UGP2: variants seen among roughly 807,000 people sequenced by gnomAD.
The protein encoded by UGP2 is UTP--glucose-1-phosphate uridylyltransferase.
Under a neutral mutation model 49.0 loss-of-function variants are expected in UGP2, and 40 were observed. The ratio of observed to expected loss-of-function variants is 0.82; its 90% confidence interval spans 0.63 to 1.06. The LOEUF is 1.06. Ranked by LOEUF, UGP2 falls within the 50% of genes least tolerant of loss-of-function variation. The probability of loss-of-function intolerance (pLI) is 0.00; values close to 1 mark genes in which losing one functional copy is unlikely to be tolerated. For missense variants in UGP2, 460 were observed against 603.5 expected (o/e 0.76, Z 2.49); for synonymous variants, 225 against 213.0 (o/e 1.06, Z -0.49).
intron 1 of UGP2, among the ~76,000 whole-genome samples, chr2:63,851,446 G>C (rs1347192310): frequency 1.3e-5 from 2 of 152,066 alleles, no homozygotes; most frequent in African/African-American, 4.8e-5. Flanking sequence ...AAGGCCTCTT[G>C]GAATGTTCAG....
At position 63,887,382 on chromosome 2, in the gene UGP2, C is replaced by G. The variant is rs1671759980; in HGVS notation, c.1072-20C>G. On this transcript the variant is annotated intron_variant, in intron 7 of 9. Transcript: ENST00000337130. ...GCCTAAAACCTCTGTTTTCTATTCCCCACCCCTAATTTCTTACAGACTTTG... is the reference window on the plus strand; with the variant it reads ...GCCTAAAACCTCTGTTTTCTATTCCGCACCCCTAATTTCTTACAGACTTTG... The G allele has an allele frequency of 1.9e-6, 3 of 1,613,366 alleles. No individual in the cohort carries two copies. Among genetic ancestry groups the G allele is most frequent in the South Asian group, 1.1e-5 (1 of 91,006 alleles).
At chr2:63,871,951 T>C (rs1042410091) in intron 3 of UGP2, among the ~76,000 whole-genome samples, 7 of 152,240 alleles carry the variant, frequency 4.6e-5, no homozygotes, top group African/African-American at 1.7e-4. Context: ...AGTAAATATT[T>C]TAGGTTTTAT....
chr2:63,861,166 T>TA (rs1236256054), intron 3 of UGP2, among the ~76,000 whole-genome samples: 2 of 151,918 alleles, frequency 1.3e-5, no homozygotes, highest in East Asian at 3.8e-4. Context: ...AAAAAAATTT[T>TA]TATATATATA....
chr2:63,891,102 G>A lies in UGP2; in HGVS notation c.1420-18G>A, dbSNP rs1337556711. ...ATTTCAGTTGCAAGTACACTCTTTT[G>A]TTTTCCCTGTCACTTAGGGAACGGT... On this transcript the variant is annotated intron_variant, in intron 9 of 9. Coordinates refer to ENST00000337130, the MANE Select transcript of UGP2 (RefSeq NM_006759.4). 3 of 1,598,620 alleles carry A rather than the reference G, an allele frequency of 1.9e-6. No individual in the cohort carries two copies. The highest frequency in any genetic ancestry group is 2.6e-6 in the Non-Finnish European group (3 of 1,168,614).
chr2:63,887,669 G>A, intron 8 of UGP2, 25 bp downstream of exon 8: 6 of 1,607,620 alleles, frequency 3.7e-6, no homozygotes, highest in Non-Finnish European at 5.1e-6. Context: ...AGATATGTGA[G>A]TTCATATTTC....
Position 63,864,431 on chromosome 2 carries a change from C to T in UGP2, c.255+6495C>T, listed in dbSNP as rs1670044662. ...TGCTTATCAACAACAGTAGTAATAA[C>T]AATAGCAACAAACATTTATTCAGCA... On this transcript the variant is annotated intron_variant, in intron 3 of 9. Transcript: ENST00000337130. 2.6e-5 allele frequency among the ~76,000 whole-genome samples: 4 copies of T among 152,196 alleles called. No individual in the cohort carries two copies. In the South Asian group the frequency reaches 8.3e-4, roughly 31 times the overall value.
intron 3 of UGP2, among the ~76,000 whole-genome samples, chr2:63,864,182 T>C (rs1320343530): frequency 6.6e-6 from 1 of 152,212 alleles, no homozygotes; most frequent in East Asian, 1.9e-4. Flanking sequence ...TTTATGTTTG[T>C]GATTTCATTT....
intron 7 of UGP2, 108 bp from the exon 8 acceptor site, chr2:63,887,293 AT>A: frequency 6.8e-7 from 1 of 1,461,368 alleles, no homozygotes; most frequent in Non-Finnish European, 9.2e-7. Context: ...TTTTTTTTCC[AT>A]CAATGGATCT....
intron 6 of UGP2, 145 bp from the exon 7 acceptor site, chr2:63,886,189 TTTAAATG>T (rs1461818955): frequency 1.2e-6 from 1 of 857,926 alleles, no homozygotes; most frequent in African/African-American, 1.7e-5. Context: ...TAGTTTGGCA[TTTAAATG>T]TTATTTCATT....
rs1312937601 is a variant in UGP2, at chr2:63,857,954, T to A, written c.255+18T>A. On this transcript the variant is annotated intron_variant, in intron 3 of 9. Transcript: ENST00000337130. ...AAGATTCGGTAAGTTTTAGATAAAA[T>A]GTAGGAAAATGTAGGGTAATCTTGG... 6.2e-7 allele frequency: 1 copy of A among 1,607,024 alleles called. No individual in the cohort carries two copies. Among genetic ancestry groups the A allele is most frequent in the East Asian group, 2.2e-5 (1 of 44,820 alleles).
At chr2:63,882,782 T>C (rs1671405268) in intron 4 of UGP2, 131 bp downstream of exon 4, 2 of 1,044,102 alleles carry the variant, frequency 1.9e-6, no homozygotes, top group Non-Finnish European at 2.6e-6. Context: ...AATCTCTTTA[T>C]TGGTGGAAAA....
chr2:63,873,875 T>G (rs1303530514), intron 3 of UGP2, among the ~76,000 whole-genome samples: 1 of 152,180 alleles, frequency 6.6e-6, no homozygotes, highest in Non-Finnish European at 1.5e-5. Context: ...AAGACAATTA[T>G]GTGGTAATCA....
intron 2 of UGP2, chr2:63,856,674 G>T: frequency 1.9e-6 from 1 of 530,440 alleles, no homozygotes; most frequent in Non-Finnish European, 3.5e-6. Flanking sequence ...AAAATAATCA[G>T]AACCAAATTA....
At chr2:63,863,359 C>T (rs1669976908) in intron 3 of UGP2, among the ~76,000 whole-genome samples, 2 of 151,968 alleles carry the variant, frequency 1.3e-5, no homozygotes, top group East Asian at 3.8e-4. Context: ...TTTTTTTCAT[C>T]TGGGTTTTCT....
intron 1 of UGP2, chr2:63,855,459 A>G: frequency 2.1e-6 from 1 of 465,826 alleles, no homozygotes; most frequent in Non-Finnish European, 4.3e-6. Context: ...GATAAAGTAT[A>G]AAACAGCCTG....
chr2:63,848,939 A>G (rs1041232867), intron 1 of UGP2, among the ~76,000 whole-genome samples: 1 of 152,246 alleles, frequency 6.6e-6, no homozygotes, highest in Admixed American at 6.5e-5. Context: ...TATTTTTCTC[A>G]GTCATTAACA....
chr2:63,856,176 C>T (rs1159053585), intron 1 of UGP2, 130 bp from the exon 2 acceptor site: 5 of 1,145,944 alleles, frequency 4.4e-6, no homozygotes, highest in Admixed American at 2.6e-5. Flanking sequence ...TGAATTACTG[C>T]CACAGGATAA....
intron 3 of UGP2, among the ~76,000 whole-genome samples, chr2:63,876,307 A>G (rs565565993): frequency 1.1e-4 from 16 of 152,188 alleles, no homozygotes; most frequent in African/African-American, 3.6e-4. Flanking sequence ...TTAGACAGAA[A>G]GTGTCCTGGC....
intron 8 of UGP2, 160 bp from the exon 9 acceptor site, chr2:63,889,921 A>G: frequency 1.7e-6 from 1 of 586,796 alleles, no homozygotes; most frequent in South Asian, 2.3e-5. Context: ...CACGGCATTT[A>G]GCATATAATG....
Sources: gnomAD v4.1 joint callset for allele counts (sites outside exome capture counted in the v4.1 genomes callset) on GRCh38, gnomAD v4.1.1 for gene constraint, MANE v1.5 for transcripts, NCBI Gene and HGNC (gene_info 2026-07-23, HGNC 2026-07-21) for gene names.